The following SLC30A5 variants were observed in gnomAD, a reference collection of about 807,000 sequenced individuals.
SLC30A5 encodes solute carrier family 30 member 5, also known as proton-coupled zinc antiporter SLC30A5.
In SLC30A5, 33 loss-of-function variants were observed where a neutral mutation model predicts 79.6. That is an observed-to-expected ratio of 0.41 (90% CI 0.31 to 0.55). The LOEUF (loss-of-function observed/expected upper bound fraction) is 0.55. Ranked by LOEUF, SLC30A5 falls within the 20% of genes least tolerant of loss-of-function variation. SLC30A5 has a pLI of 0.20. For missense variants in SLC30A5, 788 were observed against 928.1 expected (o/e 0.85, Z 1.96); for synonymous variants, 299 against 319.7 (o/e 0.94, Z 0.69).
chr5:69,123,660 G>T, intron 14 of SLC30A5: 1 of 397,504 alleles, frequency 2.5e-6, no homozygotes. Flanking sequence ...AGATGGATGA[G>T]ATTTTCTTGG....
intron 5 of SLC30A5, among the ~76,000 whole-genome samples, chr5:69,112,637 A>C (rs1746265022): frequency 6.6e-6 from 1 of 152,012 alleles, no homozygotes; most frequent in Non-Finnish European, 1.5e-5. Flanking sequence ...CCCTGGAATG[A>C]GAACATAAAT....
intron 14 of SLC30A5, among the ~76,000 whole-genome samples, chr5:69,126,749 G>A (rs558092989): frequency 1.3e-5 from 2 of 151,202 alleles, no homozygotes; most frequent in South Asian, 2.1e-4. Context: ...CAGCCTGGGC[G>A]ACAGAGTGAG....
At chr5:69,118,035 G>A (rs1035605510) in intron 11 of SLC30A5, among the ~76,000 whole-genome samples, 9 of 150,860 alleles carry the variant, frequency 6.0e-5, no homozygotes, top group South Asian at 2.1e-4. Flanking sequence ...AAATTAGCCG[G>A]GCGTAGTGGC....
chr5:69,113,303 G>T, intron 6 of SLC30A5, 76 bp downstream of exon 6: 1 of 1,093,740 alleles, frequency 9.1e-7, no homozygotes, highest in South Asian at 1.4e-5. Flanking sequence ...GAAAAAGAAA[G>T]GATAAGTGAA....
rs60416809 is a variant in SLC30A5, at chr5:69,118,325, G to GTGTATA, written c.1440-173_1440-172insGTATAT. On this transcript the variant is annotated intron_variant, in intron 11 of 15. Transcript: ENST00000396591. ...TATATATATGTGTATATATATATATGTATATATATATGAAGGACCTTCCAG... is the reference window on the plus strand; with the variant it reads ...TATATATATGTGTATATATATATATGTGTATATATATATATATGAAGGACCTTCCAG... 8.8e-5 allele frequency: 17 copies of GTGTATA among 192,160 alleles called. 1 individual carries two copies. Among genetic ancestry groups the GTGTATA allele is most frequent in the Admixed American group, 3.0e-4 (4 of 13,158 alleles). 11.9% of individuals were successfully genotyped at this position (192,160 alleles called of 1,614,324 possible).
Position 69,129,599 on chromosome 5 carries a change from T to G in SLC30A5, c.2280T>G (p.Asp760Glu), listed in dbSNP as rs1320911674. 1.9e-6 allele frequency: 3 copies of G among 1,612,382 alleles called. No homozygotes were observed. In the East Asian group the frequency reaches 6.7e-5, roughly 36 times the overall value. Residue 760 changes from aspartate (D) to glutamate (E), a missense_variant, in exon 16 of 16, where the codon GAT becomes GAG. Around this residue, in one of 3 missense-constraint regions of SLC30A5, gnomAD observed 158 missense variants for 156.2 expected, o/e 1.01. Transcript: ENST00000396591. ...KQMESMKYCK[D>E]GTYIM is the part of the protein sequence containing the mutation. ...TGGAATCCATGAAATACTGCAAAGATGGTACTTACATCATGTGAGATAACT... is the reference window on the plus strand; with the variant it reads ...TGGAATCCATGAAATACTGCAAAGAGGGTACTTACATCATGTGAGATAACT...
chr5:69,125,195 G>T (rs1746641840), intron 14 of SLC30A5, among the ~76,000 whole-genome samples: 1 of 151,566 alleles, frequency 6.6e-6, no homozygotes, highest in African/African-American at 2.4e-5. Flanking sequence ...TTCAAGGTCA[G>T]CCTGGCCAAC....
At chr5:69,109,814 T>C (rs78706207) in intron 5 of SLC30A5, among the ~76,000 whole-genome samples, 4,251 of 152,274 alleles carry the variant, frequency 0.028, 191 homozygotes, top group African/African-American at 0.096. Flanking sequence ...TGCTGGGTCC[T>C]ACTTGCAGAC....
At chr5:69,123,640 G>C (rs962427798) in intron 14 of SLC30A5, 16 of 467,370 alleles carry the variant, frequency 3.4e-5, no homozygotes, top group Non-Finnish European at 6.1e-5. Context: ...ATATAAAACA[G>C]GGACCGAATA....
At chr5:69,096,666 G>T (rs1047925591) in intron 1 of SLC30A5, among the ~76,000 whole-genome samples, 1 of 151,996 alleles carries the variant, frequency 6.6e-6, no homozygotes, top group African/African-American at 2.4e-5. Flanking sequence ...CTTCCAGAAG[G>T]ACCCTTCTGG....
intron 1 of SLC30A5, among the ~76,000 whole-genome samples, chr5:69,095,770 T>G: frequency 6.6e-6 from 1 of 151,900 alleles, no homozygotes. Flanking sequence ...AATAAAAGTT[T>G]CATATCAGGC....
chr5:69,098,925 A>G (rs1186979863), intron 1 of SLC30A5, among the ~76,000 whole-genome samples: 9 of 152,242 alleles, frequency 5.9e-5, no homozygotes, highest in Non-Finnish European at 4.4e-5. Context: ...GAATTTAGGC[A>G]TAAAAATACC....
Position 69,104,145 on chromosome 5 carries a change from T to A in SLC30A5, c.274-486T>A. ...CAGAATACTGTCCTTTTTTTTTTTCTTTCTTTTTTTGAGAAAGAGTCTTGC... is the reference window on the plus strand; with the variant it reads ...CAGAATACTGTCCTTTTTTTTTTTCATTCTTTTTTTGAGAAAGAGTCTTGC... On this transcript the variant is annotated intron_variant, in intron 3 of 15. Transcript: ENST00000396591. 2.3e-6 allele frequency: 3 copies of A among 1,304,320 alleles called. No homozygotes were observed. The South Asian group carries it at 4.8e-5, about 21-fold the overall frequency. 80.8% of individuals were successfully genotyped at this position (1,304,320 alleles called of 1,614,324 possible).
chr5:69,094,808 A>G (rs1002575790), intron 1 of SLC30A5, among the ~76,000 whole-genome samples: 6 of 152,036 alleles, frequency 3.9e-5, no homozygotes, highest in African/African-American at 1.4e-4. Flanking sequence ...AGATTAACTG[A>G]GCACATCGAG....
intron 1 of SLC30A5, among the ~76,000 whole-genome samples, chr5:69,098,145 C>T (rs1407263672): frequency 1.3e-5 from 2 of 152,060 alleles, no homozygotes; most frequent in East Asian, 3.9e-4. Context: ...CCCCCCACAC[C>T]CCCAATTTAT....
chr5:69,104,180 C>CA (rs1256929177), intron 3 of SLC30A5: 8 of 1,100,034 alleles, frequency 7.3e-6, no homozygotes, highest in Non-Finnish European at 4.9e-6. Flanking sequence ...CTCCATCGCC[C>CA]AGGCTGCAGT....
At chr5:69,109,430 C>T (rs545184882) in intron 5 of SLC30A5, among the ~76,000 whole-genome samples, 32 of 150,924 alleles carry the variant, frequency 2.1e-4, no homozygotes, top group Admixed American at 6.6e-4. Context: ...TACATACGAT[C>T]GTGTGTGTGT....
chr5:69,107,401 A>G (rs888193606), intron 4 of SLC30A5, among the ~76,000 whole-genome samples: 24 of 152,210 alleles, frequency 1.6e-4, no homozygotes, highest in Non-Finnish European at 3.2e-4. Context: ...CACTATTTGA[A>G]GTCAAAGGAT....
chr5:69,103,889 C>A, intron 3 of SLC30A5: 1 of 1,186,646 alleles, frequency 8.4e-7, no homozygotes, highest in Admixed American at 3.1e-5. Flanking sequence ...ACTTCTGTTT[C>A]AGAGACCAAG....
Sources: allele counts gnomAD v4.1 joint callset (sites outside exome capture counted in the v4.1 genomes callset), GRCh38; gene constraint gnomAD v4.1.1; regional missense constraint gnomAD v4.1.1; transcripts MANE v1.5; gene names NCBI Gene and HGNC (gene_info 2026-07-23, HGNC 2026-07-21).